The following CATSPERG variants were observed in gnomAD, a reference collection of about 807,000 sequenced individuals.
CATSPERG encodes the protein cation channel sperm-associated auxiliary subunit gamma.
Under a neutral mutation model 145.0 loss-of-function variants are expected in CATSPERG, and 115 were observed. That is an observed-to-expected ratio of 0.79 (90% CI 0.68 to 0.93). The LOEUF is 0.93. Among genes scored for constraint, CATSPERG ranks in the 40% least tolerant of loss-of-function variants. The pLI is 0.00. For missense variants in CATSPERG, 1,296 were observed against 1,490.1 expected, an observed-to-expected ratio of 0.87 and a Z score of 2.14; for synonymous variants, 588 against 589.0, an observed-to-expected ratio of 1.00 and a Z score of 0.02.
At chr19:38,344,190 C>T (rs1432015737) in intron 5 of CATSPERG, 71 bp downstream of exon 5, 1 of 1,543,498 alleles carries the variant, frequency 6.5e-7, no homozygotes, top group Non-Finnish European at 8.8e-7. Context: ...CCCAGAGGAG[C>T]CAGTGGGAGA....
chr19:38,360,423 A>T, intron 14 of CATSPERG, 66 bp from the exon 15 acceptor site: 2 of 1,595,016 alleles, frequency 1.3e-6, no homozygotes, highest in Non-Finnish European at 1.7e-6. Flanking sequence ...CACTGGGCAG[A>T]GGGTGAGGTG....
intron 16 of CATSPERG, 109 bp from the exon 17 acceptor site, chr19:38,361,539 G>T (rs962938935): frequency 1.2e-6 from 1 of 859,528 alleles, no homozygotes; most frequent in Non-Finnish European, 1.8e-6. Flanking sequence ...AGGAAGATTC[G>T]GGCTGGATTC....
rs376729186 is a variant in CATSPERG at position 38,346,599 on chromosome 19, C to T, written c.819C>T (p.Leu273=). Residue 273 remains leucine, a synonymous_variant, in exon 7 of 29, where the codon CTC becomes CTT. Coordinates refer to ENST00000409235, the MANE Select transcript of CATSPERG (RefSeq NM_021185.5). Reference sequence around the variant, plus strand: ...ACACCAGCTTCAAGGACTTCTCTCTCGTGGAGGTGAACGGTGTGGGGCAGA... The same window carrying T: ...ACACCAGCTTCAAGGACTTCTCTCTTGTGGAGGTGAACGGTGTGGGGCAGA... ...MTDTSFKDFS[L]VELSIDSCWV... 2.6e-5 allele frequency: 40 copies of T among 1,550,450 alleles called. No individual in the cohort carries two copies. In the South Asian group the frequency reaches 3.8e-4, roughly 15 times the overall value.
Position 38,352,253 on chromosome 19 carries a change from C to A in CATSPERG, c.826-8C>A. 1.9e-6 allele frequency: 3 copies of A among 1,551,062 alleles called. No individual in the cohort carries two copies. The highest frequency in any genetic ancestry group is 2.6e-6 in the Non-Finnish European group (3 of 1,146,902). ...ACCTGCTCACCACTAGCCTCTGCTC[C>A]CCTGCAGCTGAGCATTGACAGTTGC... On this transcript the variant is annotated splice_polypyrimidine_tract_variant and splice_region_variant and intron_variant, in intron 7 of 28. Transcript: ENST00000409235.
intron 8 of CATSPERG, among the ~76,000 whole-genome samples, chr19:38,353,756 G>A (rs539935181): frequency 8.8e-5 from 13 of 148,304 alleles, no homozygotes; most frequent in African/African-American, 2.2e-4. Flanking sequence ...TAATCCCAGC[G>A]CTTTGGGAGG....
Position 38,370,639 on chromosome 19 carries a change from T to C in CATSPERG, c.3327T>C (p.Ile1109=), listed in dbSNP as rs781400575. 1.2e-6 allele frequency: 2 copies of C among 1,614,146 alleles called. No individual in the cohort carries two copies. Among genetic ancestry groups the C allele is most frequent in the South Asian group, 2.2e-5 (2 of 91,078 alleles). The change falls in exon 29 of 29, where the codon ATT becomes ATC. Residue 1109 remains isoleucine, a synonymous_variant. Coordinates refer to ENST00000409235, the MANE Select transcript of CATSPERG (RefSeq NM_021185.5). ...TCCGGTGGAAGATAAACAACCTCAT[T>C]GCCTCAGAATCCTACTACACCTACG... ...TMIRWKINNL[I]ASESYYTYAS...
rs543753601 is a variant in CATSPERG at position 38,343,742 on chromosome 19, G to A, written c.469+18G>A. On this transcript the variant is annotated intron_variant, in intron 4 of 28. Transcript: ENST00000409235. ...CAGCAAAGGTGGGCCTGGGGGAGGC[G>A]GGAGGGATCGCAACCTGGCAGGGGT... The A allele has an allele frequency of 3.9e-5, 61 of 1,545,858 alleles. No homozygotes were observed. Among genetic ancestry groups the A allele is most frequent in the Admixed American group, 3.3e-4 (17 of 50,940 alleles).
At chr19:38,343,909 G>A (rs1969980427) in intron 4 of CATSPERG, 84 bp from the exon 5 acceptor site, 2 of 1,508,020 alleles carry the variant, frequency 1.3e-6, no homozygotes, top group Non-Finnish European at 1.8e-6. Context: ...ATGGGGAGTT[G>A]TGGGGAGATC....
At position 38,368,091 on chromosome 19, in the gene CATSPERG, A is replaced by G. The variant is rs1469639801; in HGVS notation, c.2974A>G (p.Lys992Glu). The G allele has an allele frequency of 1.2e-6, 2 of 1,614,146 alleles. No individual in the cohort carries two copies. The highest frequency in any genetic ancestry group is 3.3e-5 in the Admixed American group (2 of 60,014). Residue 992 changes from lysine to glutamate, a missense_variant, in exon 26 of 29, where the codon AAA becomes GAA. Transcript: ENST00000409235. ...IWTTRTTRTT[K>E]DSAFHIMSHE... ...GACCACGAGGACCACAAGGACCACC[A>G]AAGACTCAGCCTTTCACATCATGTC...
intron 6 of CATSPERG, among the ~76,000 whole-genome samples, chr19:38,346,052 G>T (rs1436924493): frequency 6.6e-6 from 1 of 152,214 alleles, no homozygotes; most frequent in Non-Finnish European, 1.5e-5. Flanking sequence ...GCTCTGGAGA[G>T]AAATGGAACA....
intron 9 of CATSPERG, among the ~76,000 whole-genome samples, chr19:38,355,088 T>G (rs1970219390): frequency 6.6e-6 from 1 of 152,184 alleles, no homozygotes; most frequent in Non-Finnish European, 1.5e-5. Context: ...CTCATGCCTG[T>G]AATCCCAGCA....
chr19:38,352,287 C>G lies in CATSPERG; in HGVS notation c.852C>G (p.Gly284=). 2 of 1,551,584 alleles carry G rather than the reference C, an allele frequency of 1.3e-6. No homozygotes were observed. The highest frequency in any genetic ancestry group is 1.7e-6 in the Non-Finnish European group (2 of 1,147,078). ...VELSIDSCWV[G]SFYCPHSGFT... ...TGAGCATTGACAGTTGCTGGGTGGG[C>G]TCCTTCTACTGCCCCCATTCTGGCT... is the stretch of plus-strand genomic sequence containing the variant. The change falls in exon 8 of 29, where the codon GGC becomes GGG. Residue 284 remains glycine (G), a synonymous_variant. Coordinates refer to ENST00000409235, the MANE Select transcript of CATSPERG (RefSeq NM_021185.5).
rs1337741611 is a variant in CATSPERG, at chr19:38,344,388, G to GA, written c.669+25dup. The GA allele has an allele frequency of 6.5e-7, 1 of 1,547,374 alleles. No individual in the cohort carries two copies. The highest frequency in any genetic ancestry group is 1.4e-5 in the African/African-American group (1 of 72,922). On this transcript the variant is annotated intron_variant, in intron 6 of 28. Transcript: ENST00000409235. ...GAGGAGGTGAGGGAATATGGCAGGG[G>GA]AAAAAGACAATGGTCTGGGCCTTAG...
At chr19:38,350,492 C>G (rs946003367) in intron 7 of CATSPERG, among the ~76,000 whole-genome samples, 1 of 152,162 alleles carries the variant, frequency 6.6e-6, no homozygotes, top group Non-Finnish European at 1.5e-5. Context: ...ATTCTCTTGC[C>G]TCAGCCTCCC....
Position 38,346,430 on chromosome 19 carries a change from C to A in CATSPERG, c.670-20C>A. The A allele has an allele frequency of 6.6e-7, 1 of 1,522,396 alleles. No individual in the cohort carries two copies. The highest frequency in any genetic ancestry group is 8.9e-7 in the Non-Finnish European group (1 of 1,125,642). The allele number at this position is 1,522,396 out of a possible 1,614,324, so 94.3% of individuals were successfully genotyped here. A position where few individuals can be genotyped will look rare whatever the true frequency, so the allele number is the denominator to read the frequency against. On this transcript the variant is annotated intron_variant, in intron 6 of 28. Transcript: ENST00000409235. ...GAGAGTGGGGAGAGTGTTGGCGTCC[C>A]TCCTGTCCCTCCTTGGCAGCTCTTC...
chr19:38,357,515 C>CA (rs3033507), intron 11 of CATSPERG, among the ~76,000 whole-genome samples: 6,714 of 134,008 alleles, frequency 0.05, 308 homozygotes, highest in East Asian at 0.15. Flanking sequence ...GACCCGGTCT[C>CA]AAAAAAAAAA....
rs954328663 is a variant in CATSPERG, at chr19:38,367,923, C to G, written c.2931-125C>G. On this transcript the variant is annotated intron_variant, in intron 25 of 28. Transcript: ENST00000409235. ...GCTCTTAGGATCTCACAGGCAAACT[C>G]CTGCCCGCCCCTAACACCATGTCCC... The G allele has an allele frequency of 5.3e-6, 6 of 1,137,696 alleles. No individual in the cohort carries two copies. The South Asian group carries it at 7.8e-5, about 15-fold the overall frequency. The allele number at this position is 1,137,696 out of a possible 1,614,324, so 70.5% of individuals were successfully genotyped here. A position where few individuals can be genotyped will look rare whatever the true frequency, so the allele number is the denominator to read the frequency against.
At position 38,368,051 on chromosome 19, in the gene CATSPERG, C is replaced by A; in HGVS notation, c.2934C>A (p.Thr978=). ...IYRFNSPLDK[T]NSLIWTTRTT... ...GAGATGACCTGGGCCTGCACAGGAC[C>A]AACAGCCTTATCTGGACCACGAGGA... is the stretch of plus-strand genomic sequence containing the variant. The change falls in exon 26 of 29, where the codon ACC becomes ACA. Residue 978 remains threonine (T), a synonymous_variant. Coordinates refer to ENST00000409235, the MANE Select transcript of CATSPERG (RefSeq NM_021185.5). 4 of 1,614,130 alleles carry A rather than the reference C, an allele frequency of 2.5e-6. No homozygotes were observed. Among genetic ancestry groups the A allele is most frequent in the Non-Finnish European group, 3.4e-6 (4 of 1,180,018 alleles).
intron 8 of CATSPERG, 198 bp downstream of exon 8, chr19:38,352,630 G>C (rs1970164131): frequency 1.7e-6 from 1 of 583,686 alleles, no homozygotes; most frequent in African/African-American, 2.0e-5. Context: ...GCTGGGATGA[G>C]GCTTCCACCC....
Sources: gnomAD v4.1 joint callset for allele counts (sites outside exome capture counted in the v4.1 genomes callset) on GRCh38, gnomAD v4.1.1 for gene constraint, MANE v1.5 for transcripts, NCBI Gene and HGNC (gene_info 2026-07-23, HGNC 2026-07-21) for gene names.